The following CHLSN variants were observed in gnomAD, a reference collection of about 807,000 sequenced individuals.
CHLSN encodes the protein protein cholesin.
At chr7:1,044,596 C>T in the CHLSN span, 5 of 150,890 alleles carry the variant, frequency 3.3e-5, no homozygotes, top group Non-Finnish European at 3.0e-5. Context: ...TGAGCCCCGC[C>T]GCCTCCGCCA....
the CHLSN span, among the ~76,000 whole-genome samples, chr7:1,036,888 T>C: frequency 6.8e-6 from 1 of 147,886 alleles, no homozygotes; most frequent in Non-Finnish European, 1.5e-5. Flanking sequence ...GGCAGGAGTA[T>C]CTCTTGAGCC....
At chr7:1,109,301 T>C in the CHLSN span, 1 of 152,200 alleles carries the variant, frequency 6.6e-6, no homozygotes, top group South Asian at 2.1e-4. Context: ...GACAAGCATG[T>C]ATTTGTTTTA....
the CHLSN span, chr7:1,010,218 G>C: frequency 7.2e-7 from 1 of 1,390,746 alleles, no homozygotes; most frequent in African/African-American, 1.4e-5. Context: ...GGGGCTTCCC[G>C]AGCCCACCCT....
At chr7:1,060,364 C>A in the CHLSN span, among the ~76,000 whole-genome samples, 1 of 152,308 alleles carries the variant, frequency 6.6e-6, no homozygotes, top group Non-Finnish European at 1.5e-5. Flanking sequence ...GAGGACCCCA[C>A]CCCTTCTGAA....
the CHLSN span, among the ~76,000 whole-genome samples, chr7:1,052,978 C>G: frequency 6.6e-6 from 1 of 152,220 alleles, no homozygotes; most frequent in Non-Finnish European, 1.5e-5. This position sits in a 1 kb window ranked among gnomAD's most constrained non-coding sequence, Gnocchi z 4.2. Flanking sequence ...GCCTCTAAGT[C>G]TCCCATCACC....
At chr7:1,020,353 C>T in the CHLSN span, among the ~76,000 whole-genome samples, 2 of 152,278 alleles carry the variant, frequency 1.3e-5, no homozygotes, top group Admixed American at 6.5e-5. Flanking sequence ...AGGGGAGGCC[C>T]GCTCTCCTGT....
At chr7:1,052,040 C>A in the CHLSN span, among the ~76,000 whole-genome samples, 4 of 152,246 alleles carry the variant, frequency 2.6e-5, no homozygotes, top group Non-Finnish European at 5.9e-5. This position sits in a 1 kb window ranked among gnomAD's most constrained non-coding sequence, Gnocchi z 4.2. Flanking sequence ...TTAATGAATT[C>A]TCTTATAGGG....
chr7:991,668 A>C, the CHLSN span, among the ~76,000 whole-genome samples: 1 of 152,204 alleles, frequency 6.6e-6, no homozygotes, highest in Non-Finnish European at 1.5e-5. Flanking sequence ...TCTACGCCTC[A>C]TTTCCAAGTG....
At chr7:1,020,606 A>C in the CHLSN span, among the ~76,000 whole-genome samples, 1,852 of 152,316 alleles carry the variant, frequency 0.012, 36 homozygotes, top group African/African-American at 0.039. Flanking sequence ...CACAGCTAAG[A>C]CCAAGATGAT....
At chr7:1,039,300 G>A in the CHLSN span, among the ~76,000 whole-genome samples, 1 of 39,576 alleles carries the variant, frequency 2.5e-5, no homozygotes, top group Non-Finnish European at 4.4e-5. Flanking sequence ...GCCTCTGCCC[G>A]GCCGCCCCTA....
the CHLSN span, chr7:1,092,631 C>T: frequency 1.2e-6 from 2 of 1,612,584 alleles, no homozygotes; most frequent in Non-Finnish European, 1.7e-6. Flanking sequence ...TCCGCCATGC[C>T]CACCCCCTCA....
At chr7:1,068,655 A>G in the CHLSN span, among the ~76,000 whole-genome samples, 2 of 151,752 alleles carry the variant, frequency 1.3e-5, no homozygotes, top group Admixed American at 6.6e-5. Flanking sequence ...CTTCCCCCCA[A>G]CGCTTAGTTG....
At chr7:1,108,634 T>G in the CHLSN span, among the ~76,000 whole-genome samples, 1 of 152,214 alleles carries the variant, frequency 6.6e-6, no homozygotes, top group Non-Finnish European at 1.5e-5. Context: ...AAAAGGATTT[T>G]GTACCTCCCA....
At chr7:1,075,161 C>T in the CHLSN span, among the ~76,000 whole-genome samples, 27 of 152,240 alleles carry the variant, frequency 1.8e-4, no homozygotes, top group Admixed American at 5.2e-4. Context: ...GGACCAAACA[C>T]GGGAGGGGTG....
At chr7:1,092,324 A>G in the CHLSN span, 1 of 1,611,814 alleles carries the variant, frequency 6.2e-7, no homozygotes, top group South Asian at 1.1e-5. Context: ...GTGCACCTGC[A>G]GCACACCGAC....
chr7:1,118,388 CATT>C, the CHLSN span, among the ~76,000 whole-genome samples: 1 of 152,186 alleles, frequency 6.6e-6, no homozygotes, highest in Non-Finnish European at 1.5e-5. Context: ...AGCTCAGCAT[CATT>C]GTTAGCTCTA....
chr7:1,012,722 G>A, the CHLSN span, among the ~76,000 whole-genome samples: 6 of 152,366 alleles, frequency 3.9e-5, no homozygotes, highest in South Asian at 1.0e-3. Flanking sequence ...CTCAACAGAA[G>A]ACGCAGGGGC....
chr7:1,126,899 T>A, the CHLSN span, among the ~76,000 whole-genome samples: 2 of 152,152 alleles, frequency 1.3e-5, no homozygotes, highest in African/African-American at 2.4e-5. Context: ...AGGACACGCC[T>A]CTGCACATGC....
chr7:1,008,091 G>T, the CHLSN span, among the ~76,000 whole-genome samples: 1 of 152,208 alleles, frequency 6.6e-6, no homozygotes, highest in African/African-American at 2.4e-5. Context: ...GTCCAGAACA[G>T]CCACGCCCCG....
Sources: gnomAD v4.1 joint callset for allele counts (sites outside exome capture counted in the v4.1 genomes callset) on GRCh38, gnomAD v4.1.1 for gene constraint, Gnocchi (gnomAD v3.1) non-coding constraint, MANE v1.5 for transcripts, NCBI Gene and HGNC (gene_info 2026-07-23, HGNC 2026-07-21) for gene names.